The following NNMT variants were observed in gnomAD, a reference collection of about 807,000 sequenced individuals.
The protein encoded by NNMT is nicotinamide N-methyltransferase.
NNMT carries 10 observed loss-of-function variants against 11.7 expected under a neutral mutation model. The ratio of observed to expected loss-of-function variants is 0.85; its 90% CI spans 0.53 to 1.45. The LOEUF (loss-of-function observed/expected upper bound fraction) is 1.45, where lower values mean the gene tolerates loss of function less well. NNMT is among the 40% of genes most tolerant of loss of function. The probability of loss-of-function intolerance (pLI) is 0.00; values close to 1 mark genes in which losing one functional copy is unlikely to be tolerated. For missense variants in NNMT, 381 were observed against 319.4 expected, an observed-to-expected ratio of 1.19 and a Z score of -1.47; for synonymous variants, 143 against 133.8, an observed-to-expected ratio of 1.07 and a Z score of -0.48.
chr11:114,305,590 C>T (rs1945483451), intron 2 of NNMT, among the ~76,000 whole-genome samples: 1 of 149,744 alleles, frequency 6.7e-6, no homozygotes, highest in Admixed American at 6.7e-5. Context: ...TGAGTGAGAA[C>T]GTGTGGTGTT....
At chr11:114,258,125 G>A (rs1945045143) in intron 1 of NNMT, among the ~76,000 whole-genome samples, 1 of 152,166 alleles carries the variant, frequency 6.6e-6, no homozygotes, top group Non-Finnish European at 1.5e-5. Context: ...ATTGTGGGCA[G>A]CCTCCTCCAG....
intron 2 of NNMT, among the ~76,000 whole-genome samples, chr11:114,273,677 T>TAA (rs1945189662): frequency 6.6e-6 from 1 of 152,020 alleles, no homozygotes; most frequent in South Asian, 2.1e-4. Context: ...CCGTCTCTAC[T>TAA]AAAAATACTA....
At chr11:114,294,801 G>T (rs1382141875), upstream of NNMT, among the ~76,000 whole-genome samples, 1 of 150,868 alleles carries the variant, frequency 6.6e-6, no homozygotes, top group Non-Finnish European at 1.5e-5. Flanking sequence ...AAAGAAAAAA[G>T]AAAAAAAAAT....
At chr11:114,308,500 T>A (rs1945513452) in intron 2 of NNMT, among the ~76,000 whole-genome samples, 1 of 152,182 alleles carries the variant, frequency 6.6e-6, no homozygotes, top group African/African-American at 2.4e-5. Context: ...GCCCTCCTCT[T>A]CATCCTTTCT....
intron 2 of NNMT, among the ~76,000 whole-genome samples, chr11:114,285,320 A>G (rs1173943634): frequency 6.6e-6 from 1 of 152,164 alleles, no homozygotes; most frequent in Non-Finnish European, 1.5e-5. Context: ...ACACTGTGAG[A>G]ACCAGGCAGA....
Position 114,262,703 on chromosome 11 carries a change from T to G in NNMT, c.-216-145T>G, listed in dbSNP as rs557036746. On this transcript the variant is annotated intron_variant, in intron 1 of 4. Transcript: ENST00000535401. Reference sequence around the variant, plus strand: ...TTGGAAAACCCCTCCAACACGAAACTTCTAGGATTCTAGGACTCTAGGACT... The same window carrying G: ...TTGGAAAACCCCTCCAACACGAAACGTCTAGGATTCTAGGACTCTAGGACT... The G allele has an allele frequency of 1.8e-4, 27 of 152,262 alleles. 1 individual carries two copies. In the East Asian group the frequency reaches 5.2e-3, roughly 29 times the overall value. 9.4% of individuals were successfully genotyped at this position (152,262 alleles called of 1,614,324 possible).
Position 114,296,566 on chromosome 11 carries a change from G to C in NNMT, c.10G>C (p.Gly4Arg). Residue 4 changes from glycine to arginine, a missense_variant, in exon 1 of 3, where the codon GGC becomes CGC. Gly to Arg is a moderately radical substitution (Grantham distance 125, BLOSUM62 -2). Transcript: ENST00000299964. Reference protein sequence around the residue: MESGFTSKDTYLSH... With the variant: MESRFTSKDTYLSH... ...ACAGAAGTGAGACATAATGGAATCA[G>C]GCTTCACCTCCAAGGACACCTATCT... 1 of 1,613,890 alleles carries C rather than the reference G, an allele frequency of 6.2e-7. No homozygotes were observed. Among genetic ancestry groups the C allele is most frequent in the South Asian group, 1.1e-5 (1 of 91,066 alleles).
chr11:114,274,951 G>A (rs1352671373), intron 2 of NNMT, among the ~76,000 whole-genome samples: 1 of 152,186 alleles, frequency 6.6e-6, no homozygotes, highest in Admixed American at 6.5e-5. Flanking sequence ...CGCTGGGATT[G>A]GAGTTGGGAA....
chr11:114,299,735 G>T (rs1272766186), intron 2 of NNMT, among the ~76,000 whole-genome samples: 1 of 151,092 alleles, frequency 6.6e-6, no homozygotes, highest in Non-Finnish European at 1.5e-5. Flanking sequence ...TGTCTGTTTT[G>T]GTAAGTGGTA....
chr11:114,296,632 A>G lies in NNMT; in HGVS notation c.76A>G (p.Lys26Glu), dbSNP rs144899119. ...NPRDYLEKYYKFGSRHSAESQ... is the reference protein window; with the variant it reads ...NPRDYLEKYYEFGSRHSAESQ... ...TCGGGATTACCTAGAAAAATATTACAAGTTTGGTTCTAGGCACTCTGCAGA... is the reference window on the plus strand; with the variant it reads ...TCGGGATTACCTAGAAAAATATTACGAGTTTGGTTCTAGGCACTCTGCAGA... The change falls in exon 1 of 3, where the codon AAG becomes GAG. Residue 26 changes from lysine to glutamate, a missense_variant. Transcript: ENST00000299964. The G allele has an allele frequency of 1.4e-5, 22 of 1,614,000 alleles. No homozygotes were observed. Among genetic ancestry groups the G allele is most frequent in the South Asian group, 2.2e-5 (2 of 91,078 alleles).
chr11:114,308,034 C>CT lies in NNMT; in HGVS notation c.363-4010dup, dbSNP rs570529368. ...TCTACAATCTCCATGAGGTTAGAATCTGTTTCTCATTTGTTCATCCTTGTG... is the reference window on the plus strand; with the variant it reads ...TCTACAATCTCCATGAGGTTAGAATCTTGTTTCTCATTTGTTCATCCTTGTG... On this transcript the variant is annotated intron_variant, in intron 2 of 2. Transcript: ENST00000299964. Among the ~76,000 whole-genome samples, 113 of 152,238 alleles carry CT rather than the reference C, an allele frequency of 7.4e-4. 1 individual carries two copies. The East Asian group carries it at 8.3e-3, about 11-fold the overall frequency.
intron 2 of NNMT, among the ~76,000 whole-genome samples, chr11:114,299,784 C>A (rs1945419836): frequency 7.7e-6 from 1 of 129,276 alleles, no homozygotes; most frequent in Non-Finnish European, 1.8e-5. Context: ...TGGTTGTCAA[C>A]TTTATTGGCA....
chr11:114,306,462 T>C (rs1945492958), intron 2 of NNMT, among the ~76,000 whole-genome samples: 1 of 152,230 alleles, frequency 6.6e-6, no homozygotes, highest in Non-Finnish European at 1.5e-5. Context: ...GGTTTTCTTC[T>C]AGGGTTTTTA....
chr11:114,279,973 C>T (rs1207625334), intron 2 of NNMT, among the ~76,000 whole-genome samples: 3 of 152,034 alleles, frequency 2.0e-5, no homozygotes, highest in Non-Finnish European at 4.4e-5. Flanking sequence ...ACTAGGGCGT[C>T]GAAGGTGTTT....
At chr11:114,260,856 G>A (rs1945073924) in intron 1 of NNMT, among the ~76,000 whole-genome samples, 1 of 152,210 alleles carries the variant, frequency 6.6e-6, no homozygotes, top group South Asian at 2.1e-4. Context: ...GGATTCAGTC[G>A]AGGGGACCTG....
intron 2 of NNMT, among the ~76,000 whole-genome samples, chr11:114,283,807 G>C (rs1004251495): frequency 2.6e-5 from 4 of 152,000 alleles, no homozygotes; most frequent in Non-Finnish European, 5.9e-5. Context: ...AAACAATAAA[G>C]GAAGAAGAGA....
chr11:114,298,139 T>A lies in NNMT; in HGVS notation c.343T>A (p.Cys115Ser). 6.2e-7 allele frequency: 1 copy of A among 1,614,126 alleles called. No homozygotes were observed. The highest frequency in any genetic ancestry group is 1.1e-5 in the South Asian group (1 of 91,072). Residue 115 changes from cysteine to serine, a missense_variant, in exon 2 of 3, where the codon TGT (cysteine) becomes AGT (serine). By Grantham distance (112) the Cys-to-Ser change is moderately radical (BLOSUM62 -1). Coordinates refer to ENST00000299964, the MANE Select transcript of NNMT (RefSeq NM_006169.3). Reference sequence around the variant, plus strand: ...CTGGTCCCCAGTGGTGACCTATGTGTGTGATCTTGAAGGGAACAGGTAGAG... The same window carrying A: ...CTGGTCCCCAGTGGTGACCTATGTGAGTGATCTTGAAGGGAACAGGTAGAG... The part of the protein sequence containing the change: ...FDWSPVVTYV[C>S]DLEGNRVKGP...
intron 2 of NNMT, among the ~76,000 whole-genome samples, chr11:114,283,593 A>C (rs1945277177): frequency 6.6e-6 from 1 of 152,220 alleles, no homozygotes; most frequent in South Asian, 2.1e-4. Context: ...AAGCTTTTTG[A>C]CAAGAGATTG....
rs746472955 is a variant in NNMT, at chr11:114,312,144, AC to A, written c.467del (p.Pro156ArgfsTer32). 1.9e-6 allele frequency: 3 copies of A among 1,613,880 alleles called. No homozygotes were observed. The highest frequency in any genetic ancestry group is 2.5e-6 in the Non-Finnish European group (3 of 1,179,920). On this transcript the variant is annotated frameshift_variant, in exon 3 of 3. Transcript: ENST00000299964. LOFTEE classifies it low-confidence loss of function (END_TRUNC). ...QSQPLGAVPL[P>X]PADCVLSTLC... ...GCCAGCCACTGGGGGCCGTCCCCTTACCCCCGGCTGACTGCGTGCTCAGCAC... is the reference window on the plus strand; with the variant it reads ...GCCAGCCACTGGGGGCCGTCCCCTTACCCCGGCTGACTGCGTGCTCAGCAC...
Sources: gnomAD v4.1 joint callset for allele counts (sites outside exome capture counted in the v4.1 genomes callset) on GRCh38, gnomAD v4.1.1 for gene constraint, MANE v1.5 for transcripts, NCBI Gene and HGNC (gene_info 2026-07-23, HGNC 2026-07-21) for gene names.